The following SLC67A2 variants were observed in gnomAD, a reference collection of about 807,000 sequenced individuals.
SLC67A2 encodes the protein solute carrier family 67 member 2.
the SLC67A2 span, chr2:102,716,457 T>C: frequency 6.6e-6 from 1 of 152,192 alleles, no homozygotes; most frequent in Admixed American, 6.5e-5. Context: ...CCATTTTATA[T>C]ATTAATAATA....
the SLC67A2 span, among the ~76,000 whole-genome samples, chr2:102,733,844 G>T: frequency 6.6e-6 from 1 of 152,104 alleles, no homozygotes; most frequent in Non-Finnish European, 1.5e-5. Flanking sequence ...AAGAGACTGA[G>T]CTCTATGGAA....
At chr2:102,718,148 G>A in the SLC67A2 span, 1 of 424,024 alleles carries the variant, frequency 2.4e-6, no homozygotes. Context: ...ATTAGCCCAG[G>A]TGGGAAGAAG....
At chr2:102,717,619 T>C in the SLC67A2 span, 1 of 152,346 alleles carries the variant, frequency 6.6e-6, no homozygotes, top group African/African-American at 2.4e-5. Context: ...TGCTCCATCA[T>C]GCAGTACAAC....
chr2:102,733,270 GCA>G, the SLC67A2 span, among the ~76,000 whole-genome samples: 1 of 152,054 alleles, frequency 6.6e-6, no homozygotes, highest in South Asian at 2.1e-4. Context: ...AAAAAACATT[GCA>G]CACACACAGT....
the SLC67A2 span, among the ~76,000 whole-genome samples, chr2:102,719,822 C>G: frequency 2.6e-5 from 4 of 152,208 alleles, no homozygotes; most frequent in Admixed American, 6.5e-5. Context: ...GACCGATGGG[C>G]AGGGACAGCT....
the SLC67A2 span, among the ~76,000 whole-genome samples, chr2:102,714,671 G>C: frequency 6.6e-6 from 1 of 152,114 alleles, no homozygotes; most frequent in South Asian, 2.1e-4. Flanking sequence ...ATTATCATGT[G>C]ACTGGCAAAT....
chr2:102,718,444 C>T, the SLC67A2 span: 1 of 1,614,086 alleles, frequency 6.2e-7, no homozygotes, highest in Non-Finnish European at 8.5e-7. Flanking sequence ...ATTTACTATT[C>T]CCATCACCAC....
chr2:102,732,816 A>C, the SLC67A2 span, among the ~76,000 whole-genome samples: 4 of 152,362 alleles, frequency 2.6e-5, no homozygotes, highest in East Asian at 3.9e-4. Context: ...AGCTTATAAA[A>C]TAATACCTGA....
the SLC67A2 span, chr2:102,736,791 C>T: frequency 6.2e-7 from 1 of 1,612,610 alleles, no homozygotes; most frequent in African/African-American, 1.3e-5. Context: ...GTTCATGTCC[C>T]AGTGACCCCC....
chr2:102,716,081 T>C, the SLC67A2 span: 2 of 152,126 alleles, frequency 1.3e-5, no homozygotes, highest in Non-Finnish European at 2.9e-5. Context: ...AAAGGAGTCA[T>C]GAGAAAAGGT....
chr2:102,723,456 CAA>C, the SLC67A2 span, among the ~76,000 whole-genome samples: 1 of 151,258 alleles, frequency 6.6e-6, no homozygotes, highest in African/African-American at 2.4e-5. Context: ...CCAACAAGAG[CAA>C]AACTTGGTCT....
At chr2:102,736,508 T>C in the SLC67A2 span, 1 of 1,570,194 alleles carries the variant, frequency 6.4e-7, no homozygotes, top group Non-Finnish European at 8.6e-7. Context: ...GAGGAGAGCT[T>C]GATAGGTAGT....
chr2:102,719,335 T>C, the SLC67A2 span: 2 of 897,816 alleles, frequency 2.2e-6, no homozygotes, highest in Non-Finnish European at 3.4e-6. Flanking sequence ...TTTACTAGTC[T>C]GTATTTTTGT....
chr2:102,715,504 C>A, the SLC67A2 span, among the ~76,000 whole-genome samples: 1,119 of 152,246 alleles, frequency 7.3e-3, 11 homozygotes, highest in African/African-American at 0.023. Flanking sequence ...TTGCAGGTGA[C>A]TCCTGTGACT....
chr2:102,730,844 C>T, the SLC67A2 span, among the ~76,000 whole-genome samples: 13 of 152,336 alleles, frequency 8.5e-5, no homozygotes, highest in African/African-American at 7.2e-5. Flanking sequence ...CCACCGCGCC[C>T]AGCCTAAAAT....
At chr2:102,723,737 T>C in the SLC67A2 span, 1 of 1,614,206 alleles carries the variant, frequency 6.2e-7, no homozygotes, top group East Asian at 2.2e-5. Flanking sequence ...AGATGAAGGC[T>C]GTGAGATAAA....
the SLC67A2 span, chr2:102,736,584 G>C: frequency 4.3e-6 from 7 of 1,612,822 alleles, no homozygotes; most frequent in Non-Finnish European, 5.9e-6. Context: ...TCCAAGAACC[G>C]CCTGGGTCCC....
the SLC67A2 span, chr2:102,723,803 C>T: frequency 1.2e-6 from 2 of 1,614,166 alleles, no homozygotes; most frequent in South Asian, 1.1e-5. Flanking sequence ...AGATGAAGCC[C>T]ACACCGGAGG....
At chr2:102,736,867 C>A in the SLC67A2 span, 1 of 1,505,814 alleles carries the variant, frequency 6.6e-7, no homozygotes. Context: ...CCCGGGAGCC[C>A]AGCCCCGCCC....
Sources: gnomAD v4.1 joint callset for allele counts (sites outside exome capture counted in the v4.1 genomes callset) on GRCh38, gnomAD v4.1.1 for gene constraint, MANE v1.5 for transcripts, NCBI Gene and HGNC (gene_info 2026-07-23, HGNC 2026-07-21) for gene names.